Variants in CCSER1 observed in about 807,000 individuals in gnomAD.
CCSER1 encodes coiled-coil serine rich protein 1.
Under a neutral mutation model 82.0 loss-of-function variants are expected in CCSER1, and 41 were observed. That is an observed-to-expected ratio of 0.50 (90% CI 0.39 to 0.65). The LOEUF (loss-of-function observed/expected upper bound fraction) is 0.65. CCSER1 is among the 30% of genes least tolerant of loss of function. CCSER1 has a pLI of 0.00. For synonymous variants in CCSER1, 414 were observed against 383.9 expected (o/e 1.08, Z -0.92); for missense variants, 1,119 against 1,064.2 (o/e 1.05, Z -0.72).
At chr4:90,600,670 G>A (rs1783930534) in intron 5 of CCSER1, among the ~76,000 whole-genome samples, 1 of 151,520 alleles carries the variant, frequency 6.6e-6, no homozygotes, top group South Asian at 2.1e-4. Flanking sequence ...TCAAATCTAT[G>A]ATTTTTTTTC....
At chr4:90,172,786 A>G (rs1326229860) in intron 1 of CCSER1, among the ~76,000 whole-genome samples, 3 of 151,858 alleles carry the variant, frequency 2.0e-5, no homozygotes, top group Non-Finnish European at 4.4e-5. Context: ...TACGTTTGAA[A>G]TAGTAAAATG....
chr4:91,115,859 A>G (rs56146739), intron 10 of CCSER1, among the ~76,000 whole-genome samples: 1 of 102,264 alleles, frequency 9.8e-6, no homozygotes, highest in African/African-American at 4.8e-5. Flanking sequence ...ATATATATAT[A>G]TTTTTTTTTA....
chr4:90,836,170 C>A (rs918187109), intron 8 of CCSER1, among the ~76,000 whole-genome samples: 7 of 152,156 alleles, frequency 4.6e-5, no homozygotes, highest in Non-Finnish European at 8.8e-5. Flanking sequence ...GGTAGGACTT[C>A]TGTCCATCCA....
At chr4:91,315,517 G>A (rs1381579730) in intron 10 of CCSER1, among the ~76,000 whole-genome samples, 1 of 151,866 alleles carries the variant, frequency 6.6e-6, no homozygotes, top group Admixed American at 6.6e-5. Flanking sequence ...CTTAACACTA[G>A]CATTTACTGA....
intron 5 of CCSER1, among the ~76,000 whole-genome samples, chr4:90,503,632 A>G (rs1449808142): frequency 6.6e-6 from 1 of 152,008 alleles, no homozygotes; most frequent in African/African-American, 2.4e-5. Context: ...CTCATTGTTC[A>G]ATTCCCACCT....
rs186566156 is a variant in CCSER1, at chr4:90,436,039, A to G, written c.1604-32195A>G. On this transcript the variant is annotated intron_variant, in intron 4 of 10. Transcript: ENST00000509176. ...TTTAAGTCAAAATGCAAAAATGTTA[A>G]TATTCATGATATTATAAATTACTAG... 4.6e-3 allele frequency among the ~76,000 whole-genome samples: 702 copies of G among 152,264 alleles called. 5 individuals carry two copies. Among genetic ancestry groups the G allele is most frequent in the African/African-American group, 0.015 (644 of 41,566 alleles).
chr4:91,086,319 C>T (rs1469433821), intron 10 of CCSER1, among the ~76,000 whole-genome samples: 2 of 152,058 alleles, frequency 1.3e-5, no homozygotes, highest in Non-Finnish European at 2.9e-5. Flanking sequence ...ATTTTTAAAA[C>T]TGACTTACTG....
At chr4:90,252,398 C>A (rs2153442177) in intron 1 of CCSER1, among the ~76,000 whole-genome samples, 1 of 151,866 alleles carries the variant, frequency 6.6e-6, no homozygotes, top group South Asian at 2.1e-4. Context: ...TTTCCAATTT[C>A]TCTTTTGATT....
chr4:90,903,042 C>T (rs1290752638), intron 8 of CCSER1, among the ~76,000 whole-genome samples: 2 of 152,040 alleles, frequency 1.3e-5, no homozygotes, highest in Non-Finnish European at 2.9e-5. Context: ...GCAGGTACAC[C>T]CTTTGGCTGC....
At chr4:90,980,516 C>A (rs1357529711) in intron 9 of CCSER1, among the ~76,000 whole-genome samples, 1 of 151,768 alleles carries the variant, frequency 6.6e-6, no homozygotes, top group Admixed American at 6.6e-5. Context: ...ACTTTGAATT[C>A]TTGATGAACA....
chr4:90,639,807 T>G (rs1445077580), intron 6 of CCSER1, among the ~76,000 whole-genome samples: 1 of 152,100 alleles, frequency 6.6e-6, no homozygotes, highest in Non-Finnish European at 1.5e-5. Context: ...CATGCAAATG[T>G]ATGTGTCAAG....
intron 10 of CCSER1, among the ~76,000 whole-genome samples, chr4:91,566,780 T>C (rs1214591923): frequency 1.3e-5 from 2 of 152,122 alleles, no homozygotes; most frequent in Non-Finnish European, 2.9e-5. Context: ...CTTCTCTCTA[T>C]TCTTCTTTAT....
chr4:90,889,490 A>G (rs1446360345), intron 8 of CCSER1, among the ~76,000 whole-genome samples: 2 of 152,282 alleles, frequency 1.3e-5, no homozygotes, highest in East Asian at 1.9e-4. Context: ...ACTGTTTTCA[A>G]TACTTTGGGA....
At chr4:91,007,734 C>A (rs1223334079) in intron 9 of CCSER1, among the ~76,000 whole-genome samples, 1 of 141,968 alleles carries the variant, frequency 7.0e-6, no homozygotes, top group African/African-American at 2.6e-5. Flanking sequence ...ATCTTTATTT[C>A]TTTTACTCTT....
intron 6 of CCSER1, among the ~76,000 whole-genome samples, chr4:90,685,617 T>C (rs1734686262): frequency 6.6e-6 from 1 of 152,166 alleles, no homozygotes; most frequent in Non-Finnish European, 1.5e-5. Flanking sequence ...GTTTAGGGTC[T>C]CTGTGTTCGG....
chr4:91,107,631 CTT>C (rs1725743099), intron 10 of CCSER1, among the ~76,000 whole-genome samples: 1 of 123,562 alleles, frequency 8.1e-6, no homozygotes, highest in Admixed American at 8.9e-5. Flanking sequence ...AAGGCATTTT[CTT>C]TTTCTCTTTT....
At chr4:90,930,912 A>ATT (rs1561380686) in intron 9 of CCSER1, among the ~76,000 whole-genome samples, 3 of 80,770 alleles carry the variant, frequency 3.7e-5, no homozygotes, top group South Asian at 7.7e-4. Context: ...TCCTTATTTT[A>ATT]TATATATATA....
intron 4 of CCSER1, among the ~76,000 whole-genome samples, chr4:90,400,908 CT>C (rs549269097): frequency 0.012 from 1,872 of 152,148 alleles, 35 homozygotes; most frequent in African/African-American, 0.043. Flanking sequence ...TAAACTAAAG[CT>C]TTAGAACGTT....
At chr4:91,476,546 T>A (rs1307594968) in intron 10 of CCSER1, among the ~76,000 whole-genome samples, 1 of 151,616 alleles carries the variant, frequency 6.6e-6, no homozygotes, top group African/African-American at 2.4e-5. Flanking sequence ...AAAAATGAAA[T>A]GATCCTAAAA....
Sources: allele counts gnomAD v4.1 joint callset (sites outside exome capture counted in the v4.1 genomes callset), GRCh38; gene constraint gnomAD v4.1.1; transcripts MANE v1.5; gene names NCBI Gene and HGNC (gene_info 2026-07-23, HGNC 2026-07-21).